SIPA1L1: variants seen among roughly 807,000 people sequenced by gnomAD.
SIPA1L1 encodes signal-induced proliferation-associated 1-like protein 1.
Under a neutral mutation model 162.7 loss-of-function variants are expected in SIPA1L1, and 26 were observed. The observed-to-expected ratio is 0.16, with a 90% CI of 0.12 to 0.22. SIPA1L1 has a LOEUF of 0.22. Among genes scored for constraint, SIPA1L1 ranks in the 10% least tolerant of loss-of-function variants. The pLI, the probability that SIPA1L1 is intolerant of heterozygous loss-of-function variation, is 1.00. For missense variants in SIPA1L1, 1,874 were observed against 2,241.0 expected (o/e 0.84, Z 3.31); for synonymous variants, 829 against 837.4 (o/e 0.99, Z 0.17).
intron 2 of SIPA1L1, among the ~76,000 whole-genome samples, chr14:71,437,843 G>A (rs558562462): frequency 1.3e-5 from 2 of 152,278 alleles, no homozygotes; most frequent in African/African-American, 4.8e-5. Context: ...TAAAAGTTTA[G>A]AGAGCTTGTC....
chr14:71,514,940 G>A (rs1010967730), intron 3 of SIPA1L1, among the ~76,000 whole-genome samples: 3 of 152,132 alleles, frequency 2.0e-5, no homozygotes, highest in Non-Finnish European at 2.9e-5. Flanking sequence ...TTTGTGCTTC[G>A]AGTTCTCAAA....
At chr14:71,686,431 A>G (rs2080870370) in intron 13 of SIPA1L1, among the ~76,000 whole-genome samples, 1 of 152,268 alleles carries the variant, frequency 6.6e-6, no homozygotes, top group African/African-American at 2.4e-5. Flanking sequence ...TTGGCTATAC[A>G]GATTTTAAGT....
At chr14:71,418,968 C>G (rs1441272540) in intron 2 of SIPA1L1, among the ~76,000 whole-genome samples, 2 of 152,210 alleles carry the variant, frequency 1.3e-5, no homozygotes, top group African/African-American at 4.8e-5. Flanking sequence ...TTACTACTCA[C>G]ATCTGCACAA....
rs535321322 is a variant in SIPA1L1 at position 71,377,746 on chromosome 14, G to A, written c.-465+56565G>A. ...TCCTGGCACCTCGGGAGGCCGAGGC[G>A]GGCAGATCACCCGAGTTCAGGAGCT... On this transcript the variant is annotated intron_variant, in intron 2 of 23. Transcript: ENST00000381232. The surrounding 1 kb of genome is among the most constrained non-coding windows in gnomAD (Gnocchi z 4.8). Among the ~76,000 whole-genome samples, 23 of 152,334 alleles carry A rather than the reference G, an allele frequency of 1.5e-4. No homozygotes were observed. Among genetic ancestry groups the A allele is most frequent in the East Asian group, 3.9e-4 (2 of 5,188 alleles).
At chr14:71,547,519 C>CCGTA (rs1405633880) in intron 4 of SIPA1L1, among the ~76,000 whole-genome samples, 1 of 151,998 alleles carries the variant, frequency 6.6e-6, no homozygotes, top group East Asian at 1.9e-4. Context: ...GTCTCGAACT[C>CCGTA]CGTACCTCAG....
intron 2 of SIPA1L1, among the ~76,000 whole-genome samples, chr14:71,355,682 C>T (rs1374056237): frequency 2.0e-5 from 3 of 152,180 alleles, no homozygotes; most frequent in Admixed American, 6.5e-5. Context: ...TTTTCTTCTC[C>T]TTGCATGGCA....
Position 71,641,786 on chromosome 14 carries a change from C to T in SIPA1L1, c.1819-8549C>T, listed in dbSNP as rs575473462. The stretch of plus-strand genomic sequence containing the variant: ...TAAAGTGCTGAAAGAGTAACCCTCA[C>T]AATGGATTTTACACCAAAAATTTTC... On this transcript the variant is annotated intron_variant, in intron 7 of 23. Transcript: ENST00000381232. 1.6e-4 allele frequency among the ~76,000 whole-genome samples: 24 copies of T among 152,244 alleles called. 1 individual carries two copies. In the East Asian group the frequency reaches 4.4e-3, roughly 28 times the overall value.
intron 2 of SIPA1L1, among the ~76,000 whole-genome samples, chr14:71,412,269 A>G (rs1480851129): frequency 1.3e-5 from 2 of 152,190 alleles, no homozygotes; most frequent in African/African-American, 4.8e-5. Flanking sequence ...CCCAACACAA[A>G]CTTGTAAACT....
intron 7 of SIPA1L1, among the ~76,000 whole-genome samples, chr14:71,642,262 A>G (rs1050790818): frequency 1.3e-5 from 2 of 152,178 alleles, no homozygotes; most frequent in African/African-American, 4.8e-5. Flanking sequence ...TCCAGGCTAC[A>G]GTACAGGCAG....
At position 71,589,045 on chromosome 14, in the gene SIPA1L1, C is replaced by T; in HGVS notation, c.1173C>T (p.Asp391=). The stretch of plus-strand genomic sequence containing the variant: ...GCTCCCCAATGGGCAGCACAGAGGA[C>T]CTGAATTCCAAAGGAAGCCTCAGCA... The part of the protein sequence containing the change: ...SFSSPMGSTE[D]LNSKGSLSMD... The change falls in exon 5 of 24, where the codon GAC becomes GAT. Residue 391 remains aspartate (D), a synonymous_variant. Transcript: ENST00000381232. The T allele has an allele frequency of 1.2e-6, 2 of 1,614,054 alleles. No individual in the cohort carries two copies. The highest frequency in any genetic ancestry group is 1.1e-5 in the South Asian group (1 of 91,082).
intron 2 of SIPA1L1, among the ~76,000 whole-genome samples, chr14:71,396,229 C>T (rs1445098919): frequency 6.6e-6 from 1 of 152,132 alleles, no homozygotes; most frequent in Non-Finnish European, 1.5e-5. Flanking sequence ...TAGATCCCAT[C>T]AATATGCTGG....
At chr14:71,504,128 A>T (rs781340557) in intron 2 of SIPA1L1, among the ~76,000 whole-genome samples, 2 of 152,146 alleles carry the variant, frequency 1.3e-5, no homozygotes, top group Non-Finnish European at 2.9e-5. Flanking sequence ...ATTTTTAATA[A>T]AAATATTCTT....
At position 71,724,914 on chromosome 14, in the gene SIPA1L1, C is replaced by G. The variant is rs989928920; in HGVS notation, c.4614+79C>G. 6 of 1,325,680 alleles carry G rather than the reference C, an allele frequency of 4.5e-6. No individual in the cohort carries two copies. In the African/African-American group the frequency reaches 7.4e-5, roughly 16 times the overall value. 82.1% of individuals were successfully genotyped at this position (1,325,680 alleles called of 1,614,324 possible). On this transcript the variant is annotated intron_variant, in intron 19 of 23. Transcript: ENST00000381232. ...GGGCTATTAACCATAGTCACACTTTCCAGAAAGTGTTGGTTACTGGCTGCT... is the reference window on the plus strand; with the variant it reads ...GGGCTATTAACCATAGTCACACTTTGCAGAAAGTGTTGGTTACTGGCTGCT...
At chr14:71,348,273 C>T (rs1477521370) in intron 2 of SIPA1L1, among the ~76,000 whole-genome samples, 1 of 152,152 alleles carries the variant, frequency 6.6e-6, no homozygotes, top group Non-Finnish European at 1.5e-5. Flanking sequence ...CATTAGCCCT[C>T]CTGCACCCCA....
chr14:71,342,251 G>A (rs2035734347), intron 2 of SIPA1L1, among the ~76,000 whole-genome samples: 1 of 152,050 alleles, frequency 6.6e-6, no homozygotes, highest in Admixed American at 6.6e-5. Flanking sequence ...TGATCCACCT[G>A]CATTTTTGGG....
chr14:71,600,737 T>C (rs1339469437), intron 5 of SIPA1L1, among the ~76,000 whole-genome samples: 1 of 152,234 alleles, frequency 6.6e-6, no homozygotes. Context: ...GTTTGTGTAT[T>C]CTTCAATTTC....
intron 2 of SIPA1L1, chr14:71,379,665 G>A (rs1451982656): frequency 6.6e-6 from 1 of 152,194 alleles, no homozygotes; most frequent in Non-Finnish European, 1.5e-5. Flanking sequence ...CTAATTCAGT[G>A]TTATCTTCTG....
intron 4 of SIPA1L1, among the ~76,000 whole-genome samples, chr14:71,582,697 C>T (rs573614124): frequency 9.2e-5 from 14 of 152,224 alleles, no homozygotes; most frequent in Admixed American, 3.9e-4. Flanking sequence ...TTTTTTGACT[C>T]GACTTTGTTT....
chr14:71,573,517 G>C (rs1477793605), intron 4 of SIPA1L1: 4 of 455,246 alleles, frequency 8.8e-6, no homozygotes, highest in African/African-American at 4.0e-5. Context: ...GACCTCAAGA[G>C]AAAGAGTGGA....
Sources: allele counts gnomAD v4.1 joint callset (sites outside exome capture counted in the v4.1 genomes callset), GRCh38; gene constraint gnomAD v4.1.1; non-coding constraint Gnocchi (gnomAD v3.1); transcripts MANE v1.5; gene names NCBI Gene and HGNC (gene_info 2026-07-23, HGNC 2026-07-21).